Variants in FILIP1 observed in about 807,000 individuals in gnomAD.
FILIP1 encodes filamin A interacting protein 1, also known as filamin-A-interacting protein 1.
FILIP1 carries 61 observed loss-of-function variants against 102.1 expected under a neutral mutation model. The ratio of observed to expected loss-of-function variants is 0.60; its 90% CI spans 0.49 to 0.74. FILIP1 has a LOEUF of 0.74. FILIP1 is among the 30% of genes least tolerant of loss of function. The pLI is 0.00. For synonymous variants in FILIP1, 491 were observed against 526.9 expected, an observed-to-expected ratio of 0.93 and a Z score of 0.93; for missense variants, 1,314 against 1,441.2, an observed-to-expected ratio of 0.91 and a Z score of 1.43.
At chr6:75,483,820 C>T (rs146880092) in intron 1 of FILIP1, among the ~76,000 whole-genome samples, 88 of 152,256 alleles carry the variant, frequency 5.8e-4, no homozygotes, top group Admixed American at 1.0e-3. Context: ...AGAGCTTACA[C>T]GCACAGGCTG....
At chr6:75,343,951 C>T (rs1301155145) in intron 4 of FILIP1, among the ~76,000 whole-genome samples, 1 of 152,126 alleles carries the variant, frequency 6.6e-6, no homozygotes, top group Non-Finnish European at 1.5e-5. Context: ...TGAATAAATA[C>T]AGAAAGCTGT....
intron 4 of FILIP1, among the ~76,000 whole-genome samples, chr6:75,350,285 A>T (rs1774748722): frequency 6.6e-6 from 1 of 152,214 alleles, no homozygotes; most frequent in Non-Finnish European, 1.5e-5. Flanking sequence ...TGTGAAAATT[A>T]AGTGAGAGTC....
chr6:75,476,027 G>A (rs990677657), intron 1 of FILIP1, among the ~76,000 whole-genome samples: 4 of 152,106 alleles, frequency 2.6e-5, no homozygotes, highest in Non-Finnish European at 5.9e-5. Flanking sequence ...GTTCACTTGA[G>A]GTTAGGAGTT....
At chr6:75,341,341 A>C (rs1582370822) in intron 4 of FILIP1, among the ~76,000 whole-genome samples, 1 of 149,474 alleles carries the variant, frequency 6.7e-6, no homozygotes, top group Non-Finnish European at 1.5e-5. Flanking sequence ...TTTTTTTTTT[A>C]AAGATGAGGT....
At chr6:75,438,791 AT>A (rs1336179737) in intron 1 of FILIP1, among the ~76,000 whole-genome samples, 1 of 152,218 alleles carries the variant, frequency 6.6e-6, no homozygotes, top group East Asian at 1.9e-4. Flanking sequence ...CCCTACTAGA[AT>A]GCAACTAGTG....
intron 1 of FILIP1, among the ~76,000 whole-genome samples, chr6:75,435,862 C>T (rs1270471748): frequency 6.6e-6 from 1 of 152,180 alleles, no homozygotes; most frequent in Non-Finnish European, 1.5e-5. Flanking sequence ...TAAAGGCACA[C>T]TCATCTCTGC....
rs1165381451 is a variant in FILIP1, at chr6:75,379,560, C to T, written c.277-16643G>A. On this transcript the variant is annotated intron_variant, in intron 2 of 5. Transcript: ENST00000237172. ...AAGCTCACTCTTAGGGAAGAAGAAT[C>T]TGGGATGCGAAGTCAAACCCAGCAA... is the stretch of plus-strand genomic sequence containing the variant. Among the ~76,000 whole-genome samples, 4 of 152,206 alleles carry T rather than the reference C, an allele frequency of 2.6e-5. No homozygotes were observed. The East Asian group carries it at 7.7e-4, about 29-fold the overall frequency.
At chr6:75,423,188 C>G (rs376736786) in intron 1 of FILIP1, among the ~76,000 whole-genome samples, 1 of 152,124 alleles carries the variant, frequency 6.6e-6, no homozygotes, top group African/African-American at 2.4e-5. Flanking sequence ...TACCATTCTA[C>G]GTTGTACAGC....
intron 1 of FILIP1, among the ~76,000 whole-genome samples, chr6:75,433,908 G>T (rs1643331202): frequency 6.6e-6 from 1 of 152,092 alleles, no homozygotes; most frequent in Non-Finnish European, 1.5e-5. Context: ...TCTACATATG[G>T]CTAGCCAGTT....
At chr6:75,295,965 A>G in intron 6 of FILIP1, 4 of 1,426,712 alleles carry the variant, frequency 2.8e-6, no homozygotes, top group Non-Finnish European at 3.6e-6. Flanking sequence ...AAAGAGAAAA[A>G]AGACATGGCA....
At chr6:75,403,308 G>A (rs940069784) in intron 2 of FILIP1, among the ~76,000 whole-genome samples, 3 of 151,976 alleles carry the variant, frequency 2.0e-5, no homozygotes, top group Admixed American at 6.6e-5. Context: ...GAACTCAGGA[G>A]TTCAAGACCA....
chr6:75,328,579 C>T (rs1026751963), intron 4 of FILIP1, among the ~76,000 whole-genome samples: 1 of 152,188 alleles, frequency 6.6e-6, no homozygotes, highest in African/African-American at 2.4e-5. Context: ...ACTTCGGCCT[C>T]CCGGGTTTAA....
At chr6:75,319,831 C>CAAAAA in intron 4 of FILIP1, 1 of 344,928 alleles carries the variant, frequency 2.9e-6, no homozygotes, top group Non-Finnish European at 5.3e-6. Context: ...CTCCGTCCCC[C>CAAAAA]AAAAAAAAAA....
intron 2 of FILIP1, chr6:75,399,134 CTT>C (rs1161546222): frequency 1.3e-5 from 2 of 152,184 alleles, no homozygotes; most frequent in African/African-American, 4.8e-5. Context: ...TCACCATTGA[CTT>C]TATTACAATT....
chr6:75,382,093 G>T (rs1014215021), intron 2 of FILIP1, among the ~76,000 whole-genome samples: 1 of 152,192 alleles, frequency 6.6e-6, no homozygotes, highest in Non-Finnish European at 1.5e-5. Context: ...ATAGCCATCT[G>T]GTCCAATTTC....
chr6:75,338,797 A>C (rs1216605176), intron 4 of FILIP1, among the ~76,000 whole-genome samples: 1 of 152,250 alleles, frequency 6.6e-6, no homozygotes, highest in East Asian at 1.9e-4. Context: ...CATGAGGCTG[A>C]AATAAACGAT....
intron 2 of FILIP1, among the ~76,000 whole-genome samples, chr6:75,374,662 G>A (rs1464529248): frequency 3.3e-5 from 5 of 152,146 alleles, no homozygotes; most frequent in African/African-American, 1.2e-4. Context: ...TCACAGGCAC[G>A]AGTCACTGTG....
chr6:75,388,707 G>A (rs1485340357), intron 2 of FILIP1, among the ~76,000 whole-genome samples: 2 of 152,170 alleles, frequency 1.3e-5, no homozygotes, highest in Non-Finnish European at 2.9e-5. Context: ...GAATGCTTGT[G>A]ATTTTTGCAT....
intron 4 of FILIP1, among the ~76,000 whole-genome samples, chr6:75,351,565 A>G (rs922759042): frequency 3.3e-5 from 5 of 152,072 alleles, no homozygotes; most frequent in Non-Finnish European, 5.9e-5. Context: ...TTTACCTTTG[A>G]TATGTTTAGA....
Sources: gnomAD v4.1 joint callset for allele counts (sites outside exome capture counted in the v4.1 genomes callset) on GRCh38, gnomAD v4.1.1 for gene constraint, MANE v1.5 for transcripts, NCBI Gene and HGNC (gene_info 2026-07-23, HGNC 2026-07-21) for gene names.